SHOX2: variants seen among roughly 807,000 people sequenced by gnomAD.
SHOX2 encodes short stature homeobox protein 2.
In SHOX2, 13 loss-of-function variants were observed where a neutral mutation model predicts 31.3. That is an observed-to-expected ratio of 0.42 (90% confidence interval 0.27 to 0.66). The LOEUF is 0.66. Ranked by LOEUF, SHOX2 falls within the 30% of genes least tolerant of loss-of-function variation. SHOX2 has a pLI of 0.27. For missense variants in SHOX2, 473 were observed against 443.0 expected, an observed-to-expected ratio of 1.07 and a Z score of -0.61; for synonymous variants, 244 against 196.2, an observed-to-expected ratio of 1.24 and a Z score of -2.04.
At chr3:158,105,628 G>C (rs745980910) in intron 1 of SHOX2, 51 bp downstream of exon 1, 7 of 1,472,642 alleles carry the variant, frequency 4.8e-6, no homozygotes, top group Non-Finnish European at 6.3e-6. Context: ...CCCGAGAGGA[G>C]TCCGGAAGGC....
intron 1 of SHOX2, 171 bp from the exon 2 acceptor site, chr3:158,103,057 C>A (rs1258126830): frequency 1.2e-5 from 8 of 688,866 alleles, no homozygotes; most frequent in Admixed American, 2.3e-5. Context: ...TCAACCCACC[C>A]GGAGGAAGAA....
intron 4 of SHOX2, among the ~76,000 whole-genome samples, chr3:158,098,965 A>G (rs1485473995): frequency 1.3e-5 from 2 of 152,092 alleles, no homozygotes; most frequent in Admixed American, 6.5e-5. Flanking sequence ...CTCTTTCTTC[A>G]GTCATTCTCT....
intron 4 of SHOX2, among the ~76,000 whole-genome samples, chr3:158,099,412 A>G (rs1262196207): frequency 6.6e-6 from 1 of 152,266 alleles, no homozygotes; most frequent in Non-Finnish European, 1.5e-5. Context: ...AAAAAACAAA[A>G]GTATGAGCTG....
At chr3:158,098,845 G>A (rs995077464) in intron 4 of SHOX2, among the ~76,000 whole-genome samples, 1 of 152,182 alleles carries the variant, frequency 6.6e-6, no homozygotes, top group Non-Finnish European at 1.5e-5. Context: ...CAAGGTCTAG[G>A]TTGGGGCCTG....
intron 1 of SHOX2, 96 bp downstream of exon 1, chr3:158,105,583 C>G: frequency 8.6e-7 from 1 of 1,160,834 alleles, no homozygotes; most frequent in East Asian, 2.9e-5. Flanking sequence ...CCGTGTCCCT[C>G]TCCCCTCCCC....
Position 158,096,891 on chromosome 3 carries a change from T to TATATAC in SHOX2, c.*1135_*1136insGTATAT. The TATATAC allele has an allele frequency of 1.5e-5, 1 of 67,180 alleles. No individual in the cohort carries two copies. The highest frequency in any genetic ancestry group is 2.8e-5 in the Non-Finnish European group (1 of 35,248). 4.2% of individuals were successfully genotyped at this position (67,180 alleles called of 1,614,324 possible). A position where few individuals can be genotyped will look rare whatever the true frequency, so the allele number is the denominator to read the frequency against. ...TCCCCAGGATCAAAGACAGGGCAAA[T>TATATAC]ATATATATATATATATATATATATA... On this transcript the variant is annotated 3_prime_UTR_variant, in exon 5 of 5. Coordinates refer to ENST00000483851, the MANE Select transcript of SHOX2 (RefSeq NM_001163678.2).
rs1713905557 is a variant in SHOX2, at chr3:158,106,019, T to C, written c.6A>G (p.Glu2=). 6.2e-7 allele frequency: 1 copy of C among 1,612,714 alleles called. No homozygotes were observed. The highest frequency in any genetic ancestry group is 8.5e-7 in the Non-Finnish European group (1 of 1,179,562). ...ACTTGGAGACGAACGCCGTAAGTTC[T>C]TCCATCGCCGCCGCACGTCAGCCCG... is the stretch of plus-strand genomic sequence containing the variant. M[E]ELTAFVSKSF... Residue 2 remains glutamate, a synonymous_variant, in exon 1 of 5, where the codon GAA becomes GAG. Transcript: ENST00000483851.
chr3:158,105,249 C>T (rs1280136558), intron 1 of SHOX2: 14 of 677,396 alleles, frequency 2.1e-5, no homozygotes, highest in Non-Finnish European at 8.0e-6. Flanking sequence ...CTTTCCACCT[C>T]TGCCCCTTCT....
In SHOX2 at chr3:158,096,418, A is replaced by AG. The variant is rs1257531400; in HGVS notation, c.*1608_*1609insC. The AG allele has an allele frequency of 6.8e-6, 1 of 146,932 alleles. No homozygotes were observed. Among genetic ancestry groups the AG allele is most frequent in the Non-Finnish European group, 1.5e-5 (1 of 66,676 alleles). 9.1% of individuals were successfully genotyped at this position (146,932 alleles called of 1,614,324 possible). ...GAAACAAACAACCAAAAGAAAAAAA[A>AG]AAACAAAAAAGAAACAAACAAACAA... On this transcript the variant is annotated 3_prime_UTR_variant, in exon 5 of 5. Transcript: ENST00000483851.
chr3:158,105,906 G>T lies in SHOX2; in HGVS notation c.119C>A (p.Pro40Gln). 6.3e-7 allele frequency: 1 copy of T among 1,591,092 alleles called. No homozygotes were observed. Among genetic ancestry groups the T allele is most frequent in the African/African-American group, 1.4e-5 (1 of 72,478 alleles). ...ESGPLRGAKEPTGCTEAGRDD... is the reference protein window; with the variant it reads ...ESGPLRGAKEQTGCTEAGRDD... ...GCGGCCCGCCTCGGTGCAGCCGGTC[G>T]GCTCCTTGGCCCCGCGCAGCGGCCC... The change falls in exon 1 of 5, where the codon CCG (proline) becomes CAG (glutamine). Residue 40 changes from proline to glutamine, a missense_variant. This residue lies in a region of SHOX2 where 276 missense variants were observed against 230.0 expected (regional missense o/e 1.20). Transcript: ENST00000483851.
chr3:158,106,130 A>C lies in SHOX2; in HGVS notation c.-106T>G. On this transcript the variant is annotated 5_prime_UTR_variant, in exon 1 of 5. Coordinates refer to ENST00000483851, the MANE Select transcript of SHOX2 (RefSeq NM_001163678.2). Reference sequence around the variant, plus strand: ...CAGCCCCCCCAATAATAACACATCAATGGGACAGGAGGTGGGGGAGGAGAG... The same window carrying C: ...CAGCCCCCCCAATAATAACACATCACTGGGACAGGAGGTGGGGGAGGAGAG... 7.5e-5 allele frequency: 113 copies of C among 1,497,194 alleles called. No homozygotes were observed. Among genetic ancestry groups the C allele is most frequent in the East Asian group, 1.1e-4 (4 of 37,196 alleles). 92.7% of individuals were successfully genotyped at this position (1,497,194 alleles called of 1,614,324 possible).
In SHOX2 at chr3:158,102,765, C is replaced by T. The variant is rs1319172341; in HGVS notation, c.468G>A (p.Glu156=). Residue 156 remains glutamate, a synonymous_variant, in exon 2 of 5, where the codon GAG becomes GAA. Coordinates refer to ENST00000483851, the MANE Select transcript of SHOX2 (RefSeq NM_001163678.2). The stretch of plus-strand genomic sequence containing the variant: ...GATAGTGGGTCTCGTCAAAAAGCCT[C>T]TCCAGCTCATTGAGTTGTTCCAGGG... ...NFTLEQLNEL[E]RLFDETHYPD... 6.2e-7 allele frequency: 1 copy of T among 1,614,026 alleles called. No homozygotes were observed. The highest frequency in any genetic ancestry group is 8.5e-7 in the Non-Finnish European group (1 of 1,180,052).
At chr3:158,103,692 T>C (rs2108129172) in intron 1 of SHOX2, 1 of 152,384 alleles carries the variant, frequency 6.6e-6, no homozygotes, top group South Asian at 2.1e-4. Flanking sequence ...CAGCCTCCGG[T>C]GGCGGGCGAA....
rs1158097144 is a variant in SHOX2, at chr3:158,105,794, A to ACCTCCTCCG, written c.222_230dup (p.Gly75_Gly77dup). ...CTCCGCCTGCTCCTCCTCCTCCTAC[A>ACCTCCTCCG]CCTCCTCCGCCTCCTCCGCCGCCGC... On this transcript the variant is annotated inframe_insertion, in exon 1 of 5. Coordinates refer to ENST00000483851, the MANE Select transcript of SHOX2 (RefSeq NM_001163678.2). 3.3e-5 allele frequency: 48 copies of ACCTCCTCCG among 1,441,940 alleles called. No individual in the cohort carries two copies. Among genetic ancestry groups the ACCTCCTCCG allele is most frequent in the East Asian group, 2.8e-4 (9 of 32,462 alleles). The allele number at this position is 1,441,940 out of a possible 1,614,324, so 89.3% of individuals were successfully genotyped here.
At chr3:158,105,587 C>T in intron 1 of SHOX2, 92 bp downstream of exon 1, 2 of 1,197,838 alleles carry the variant, frequency 1.7e-6, no homozygotes, top group Non-Finnish European at 1.2e-6. Flanking sequence ...GTCCCTCTCC[C>T]CTCCCCGCTG....
chr3:158,099,977 T>C (rs1230981593), intron 3 of SHOX2, 29 bp from the exon 4 acceptor site: 1 of 1,580,248 alleles, frequency 6.3e-7, no homozygotes, highest in South Asian at 1.1e-5. Flanking sequence ...AAAAATAATG[T>C]GAGGTTAACG....
rs145990015 is a variant in SHOX2 at position 158,098,153 on chromosome 3, G to T, written c.834C>A (p.Ala278=). Residue 278 remains alanine, a synonymous_variant, in exon 5 of 5, where the codon GCC becomes GCA. Coordinates refer to ENST00000483851, the MANE Select transcript of SHOX2 (RefSeq NM_001163678.2). ...CCGAGGCGGCGGAAGCCGAATCCGC[G>T]GCCAGCGTGGCGAGCGGCAGTCCGA... The part of the protein sequence containing the change: ...PPFGLPLATL[A]ADSASAASVV... The T allele has an allele frequency of 9.3e-6, 15 of 1,613,410 alleles. No individual in the cohort carries two copies. The South Asian group carries it at 9.9e-5, about 11-fold the overall frequency.
chr3:158,097,977 T>G lies in SHOX2; in HGVS notation c.*50A>C. ...GAGAAGCAGCGGGGCGCGGAGGGCG[T>G]GCAGGCTGAGTGCCGCGGGACAGGC... is the stretch of plus-strand genomic sequence containing the variant. On this transcript the variant is annotated 3_prime_UTR_variant, in exon 5 of 5. Coordinates refer to ENST00000483851, the MANE Select transcript of SHOX2 (RefSeq NM_001163678.2). 5.2e-6 allele frequency: 8 copies of G among 1,545,264 alleles called. No individual in the cohort carries two copies. The highest frequency in any genetic ancestry group is 7.0e-6 in the Non-Finnish European group (8 of 1,146,226).
chr3:158,102,754 T>A lies in SHOX2; in HGVS notation c.479A>T (p.Asp160Val), dbSNP rs772305813. 1 of 1,614,014 alleles carries A rather than the reference T, an allele frequency of 6.2e-7. No homozygotes were observed. The highest frequency in any genetic ancestry group is 1.1e-5 in the South Asian group (1 of 91,072). The change falls in exon 2 of 5, where the codon GAC becomes GTC. Residue 160 changes from aspartate (D) to valine (V), a missense_variant. Physicochemically the swap from Asp to Val is radical, Grantham distance 152. Around this residue, in one of 3 missense-constraint regions of SHOX2, gnomAD observed 276 missense variants for 230.0 expected, o/e 1.20. Coordinates refer to ENST00000483851, the MANE Select transcript of SHOX2 (RefSeq NM_001163678.2). Reference protein sequence around the residue: ...EQLNELERLFDETHYPDAFMR... With the variant: ...EQLNELERLFVETHYPDAFMR... Reference sequence around the variant, plus strand: ...GAAGGCGTCGGGATAGTGGGTCTCGTCAAAAAGCCTCTCCAGCTCATTGAG... The same window carrying A: ...GAAGGCGTCGGGATAGTGGGTCTCGACAAAAAGCCTCTCCAGCTCATTGAG...
Sources: gnomAD v4.1 joint callset for allele counts (sites outside exome capture counted in the v4.1 genomes callset) on GRCh38, gnomAD v4.1.1 for gene constraint, gnomAD v4.1.1 regional missense constraint, MANE v1.5 for transcripts, NCBI Gene and HGNC (gene_info 2026-07-23, HGNC 2026-07-21) for gene names.